Variants in SRGAP3 observed in about 807,000 individuals in gnomAD.
SRGAP3 encodes the protein SLIT-ROBO Rho GTPase activating protein 3.
In SRGAP3, 39 loss-of-function variants were observed where a neutral mutation model predicts 121.1. The ratio of observed to expected loss-of-function variants is 0.32; its 90% CI spans 0.25 to 0.42. SRGAP3 has a LOEUF of 0.42. SRGAP3 is among the 10% of genes least tolerant of loss of function. The pLI is 1.00. For missense variants in SRGAP3, 1,213 were observed against 1,470.6 expected (o/e 0.82, Z 2.86); for synonymous variants, 601 against 570.0 (o/e 1.05, Z -0.77).
intron 3 of SRGAP3, among the ~76,000 whole-genome samples, chr3:9,261,458 G>T (rs533482054): frequency 6.6e-6 from 1 of 151,824 alleles, no homozygotes; most frequent in African/African-American, 2.4e-5. Context: ...CTTGATAAAA[G>T]GTTACAGGAA....
intron 21 of SRGAP3, among the ~76,000 whole-genome samples, chr3:8,988,585 C>T (rs1474175189): frequency 2.0e-5 from 3 of 152,152 alleles, no homozygotes; most frequent in East Asian, 1.9e-4. Context: ...TCGTGCAAAA[C>T]GCTCCATGAA....
chr3:9,085,847 A>G (rs1560110965), intron 3 of SRGAP3, among the ~76,000 whole-genome samples: 1 of 152,210 alleles, frequency 6.6e-6, no homozygotes, highest in Non-Finnish European at 1.5e-5. Context: ...ATCAGGAAAT[A>G]TAACTAATGG....
At chr3:9,280,418 T>C (rs1040628147) in intron 3 of SRGAP3, among the ~76,000 whole-genome samples, 1 of 152,228 alleles carries the variant, frequency 6.6e-6, no homozygotes, top group Non-Finnish European at 1.5e-5. Context: ...CCCATCTCTT[T>C]GCAAACTTCT....
intron 3 of SRGAP3, among the ~76,000 whole-genome samples, chr3:9,266,040 C>A (rs1229097314): frequency 1.3e-5 from 2 of 152,104 alleles, no homozygotes; most frequent in African/African-American, 4.8e-5. Context: ...TACTATGCAG[C>A]CATAAAAAAG....
chr3:9,027,590 G>A (rs569662309), intron 12 of SRGAP3, among the ~76,000 whole-genome samples: 471 of 152,306 alleles, frequency 3.1e-3, no homozygotes, highest in South Asian at 5.0e-3. Flanking sequence ...AGAGGCAGCC[G>A]ATGTCAGCCA....
At chr3:9,088,632 C>A (rs1214336730) in intron 3 of SRGAP3, among the ~76,000 whole-genome samples, 8 of 152,184 alleles carry the variant, frequency 5.3e-5, no homozygotes, top group Non-Finnish European at 1.2e-4. Context: ...ATAAAACTCC[C>A]CCTCTCCTGC....
chr3:9,265,755 C>A (rs1414648775), intron 3 of SRGAP3, among the ~76,000 whole-genome samples: 2 of 152,096 alleles, frequency 1.3e-5, no homozygotes, highest in East Asian at 3.9e-4. Flanking sequence ...GAAATAAGAA[C>A]ACTTTTACAC....
intron 3 of SRGAP3, among the ~76,000 whole-genome samples, chr3:9,294,150 A>C (rs1465692358): frequency 6.6e-5 from 10 of 152,236 alleles, no homozygotes; most frequent in Admixed American, 2.6e-4. Context: ...TGCAGCCATA[A>C]AAAAGAATGA....
Position 9,013,910 on chromosome 3 carries a change from G to A in SRGAP3, c.1814-68C>T, listed in dbSNP as rs1205001321. 20 of 1,454,642 alleles carry A rather than the reference G, an allele frequency of 1.4e-5. No individual in the cohort carries two copies. The South Asian group carries it at 1.5e-4, about 11-fold the overall frequency. The allele number at this position is 1,454,642 out of a possible 1,614,324, so 90.1% of individuals were successfully genotyped here. ...AGAGCAAAGCAACAAACATTCGCTC[G>A]CCACATCTCCTATATCAACCCACGT... On this transcript the variant is annotated intron_variant, in intron 15 of 21. Coordinates refer to ENST00000383836, the MANE Select transcript of SRGAP3 (RefSeq NM_014850.4).
At chr3:9,009,671 G>A (rs1388682900) in intron 18 of SRGAP3, among the ~76,000 whole-genome samples, 2 of 152,034 alleles carry the variant, frequency 1.3e-5, no homozygotes, top group African/African-American at 4.8e-5. Context: ...AGACTAGTCC[G>A]ACTCTCTTCT....
At chr3:9,331,141 G>C (rs897101022) in intron 1 of SRGAP3, among the ~76,000 whole-genome samples, 4 of 152,016 alleles carry the variant, frequency 2.6e-5, no homozygotes, top group African/African-American at 9.7e-5. Flanking sequence ...CAATTTTTCT[G>C]CAAAGAATGT....
chr3:9,211,227 G>A (rs1474975919), intron 1 of SRGAP3, among the ~76,000 whole-genome samples: 3 of 152,188 alleles, frequency 2.0e-5, no homozygotes, highest in Admixed American at 2.0e-4. Context: ...AGGGAAGGTT[G>A]AAAATTGACT....
chr3:9,069,882 G>A (rs1946619726), intron 4 of SRGAP3, among the ~76,000 whole-genome samples: 1 of 152,198 alleles, frequency 6.6e-6, no homozygotes, highest in Non-Finnish European at 1.5e-5. Context: ...AGGAGGCAGA[G>A]GTTGCAGTGA....
rs376442071 is a variant in SRGAP3, at chr3:9,087,882, G to A, written c.424-7795C>T. Among the ~76,000 whole-genome samples, 440 of 152,206 alleles carry A rather than the reference G, an allele frequency of 2.9e-3. 1 individual carries two copies. Among genetic ancestry groups the A allele is most frequent in the African/African-American group, 9.9e-3 (409 of 41,522 alleles). ...TATCTCTTCCCCAGGACTGTAAGCC[G>A]CCAGAGGGAACCAGCCCAGGCCTCT... is the stretch of plus-strand genomic sequence containing the variant. On this transcript the variant is annotated intron_variant, in intron 3 of 21. Coordinates refer to ENST00000383836, the MANE Select transcript of SRGAP3 (RefSeq NM_014850.4).
At chr3:9,107,726 C>G in intron 2 of SRGAP3, among the ~76,000 whole-genome samples, 1 of 152,336 alleles carries the variant, frequency 6.6e-6, no homozygotes, top group South Asian at 2.1e-4. Context: ...TTTTAACAAA[C>G]TCTCAAGGTG....
chr3:9,056,217 A>G lies in SRGAP3; in HGVS notation c.1125+16T>C. On this transcript the variant is annotated intron_variant, in intron 8 of 21. Transcript: ENST00000383836. The stretch of plus-strand genomic sequence containing the variant: ...TTCCAAAGAAAATCCCTTATAGGGC[A>G]GAGGGGCTCACTCACCTCCTCATTC... 6.2e-7 allele frequency: 1 copy of G among 1,612,176 alleles called. No homozygotes were observed. The highest frequency in any genetic ancestry group is 8.5e-7 in the Non-Finnish European group (1 of 1,178,356).
At chr3:9,180,146 T>G (rs1181513719) in intron 1 of SRGAP3, among the ~76,000 whole-genome samples, 2 of 152,260 alleles carry the variant, frequency 1.3e-5, no homozygotes, top group Non-Finnish European at 2.9e-5. Flanking sequence ...CTTTCACAGC[T>G]GCCAAGAGAG....
chr3:9,219,893 G>T (rs1952752495), intron 1 of SRGAP3, among the ~76,000 whole-genome samples: 1 of 152,136 alleles, frequency 6.6e-6, no homozygotes, highest in South Asian at 2.1e-4. Flanking sequence ...AACATGGATG[G>T]AACTGGAGGT....
chr3:9,158,924 A>C (rs1950513784), intron 1 of SRGAP3, among the ~76,000 whole-genome samples: 1 of 152,090 alleles, frequency 6.6e-6, no homozygotes. Context: ...CCACTCTCCA[A>C]GCCTCTCTGA....
Sources: allele counts gnomAD v4.1 joint callset (sites outside exome capture counted in the v4.1 genomes callset), GRCh38; gene constraint gnomAD v4.1.1; transcripts MANE v1.5; gene names NCBI Gene and HGNC (gene_info 2026-07-23, HGNC 2026-07-21).